CGRRF1: variants seen among roughly 807,000 people sequenced by gnomAD.
CGRRF1 encodes cell growth regulator with ring finger domain 1.
CGRRF1 carries 32 observed loss-of-function variants against 37.2 expected under a neutral mutation model. That is an observed-to-expected ratio of 0.86 (90% CI 0.65 to 1.16). The LOEUF (loss-of-function observed/expected upper bound fraction) is 1.16, where lower values mean the gene tolerates loss of function less well. Among genes scored for constraint, CGRRF1 ranks in the 50% most tolerant of loss-of-function variants. CGRRF1 has a pLI of 0.00. For missense variants in CGRRF1, 391 were observed against 382.6 expected, an observed-to-expected ratio of 1.02 and a Z score of -0.18; for synonymous variants, 141 against 140.3, an observed-to-expected ratio of 1.00 and a Z score of -0.04.
intron 1 of CGRRF1, among the ~76,000 whole-genome samples, chr14:54,511,660 G>C (rs1193204809): frequency 6.6e-6 from 1 of 152,210 alleles, no homozygotes; most frequent in East Asian, 1.9e-4. Context: ...CCTCATGTTT[G>C]TAGTGGTTAA....
Position 54,530,901 on chromosome 14 carries a change from A to C in CGRRF1, c.423-2A>C. The C allele has an allele frequency of 6.3e-7, 1 of 1,575,126 alleles. No homozygotes were observed. On this transcript the variant is annotated splice_acceptor_variant, in intron 3 of 5. Coordinates refer to ENST00000216420, the MANE Select transcript of CGRRF1 (RefSeq NM_006568.3). LOFTEE classifies it high-confidence loss of function. Reference sequence around the variant, plus strand: ...GCAATTTACCTTTACATTTTCAAAAAGTATTAAAAAGGATAGCAAAGAAGA... The same window carrying C: ...GCAATTTACCTTTACATTTTCAAAACGTATTAAAAAGGATAGCAAAGAAGA...
At chr14:54,528,098 A>C (rs1405846434) in intron 2 of CGRRF1, among the ~76,000 whole-genome samples, 4 of 152,100 alleles carry the variant, frequency 2.6e-5, no homozygotes, top group Non-Finnish European at 5.9e-5. Context: ...TGAGATAAAC[A>C]GTAGCATATA....
intron 2 of CGRRF1, among the ~76,000 whole-genome samples, chr14:54,528,400 T>C (rs1028021654): frequency 6.6e-6 from 1 of 152,152 alleles, no homozygotes; most frequent in African/African-American, 2.4e-5. Flanking sequence ...ATTCCAGCAT[T>C]TTGCTATGAT....
At chr14:54,520,733 G>A (rs77764474) in intron 1 of CGRRF1, among the ~76,000 whole-genome samples, 13,145 of 152,250 alleles carry the variant, frequency 0.086, 634 homozygotes, top group African/African-American at 0.11. Context: ...GTAGTAATAA[G>A]TTGTTCCTTT....
chr14:54,521,453 C>T (rs2032315289), intron 1 of CGRRF1, among the ~76,000 whole-genome samples: 1 of 150,876 alleles, frequency 6.6e-6, no homozygotes, highest in Non-Finnish European at 1.5e-5. Flanking sequence ...AAGAATGAAA[C>T]TCCATCTCAA....
At chr14:54,531,157 AT>A (rs1429203013) in intron 4 of CGRRF1, 107 bp downstream of exon 4, 21 of 931,566 alleles carry the variant, frequency 2.3e-5, no homozygotes, top group Middle Eastern at 3.0e-4. Flanking sequence ...GAGGATGTGC[AT>A]TTGGCCTACA....
chr14:54,523,967 C>G (rs959318581), intron 2 of CGRRF1, among the ~76,000 whole-genome samples: 1 of 152,178 alleles, frequency 6.6e-6, no homozygotes, highest in African/African-American at 2.4e-5. Flanking sequence ...TAGCTACTGC[C>G]GTATTTCTCT....
At chr14:54,537,642 C>T (rs947622898) in intron 4 of CGRRF1, 80 bp from the exon 5 acceptor site, 1 of 1,308,192 alleles carries the variant, frequency 7.6e-7, no homozygotes, top group Non-Finnish European at 9.9e-7. Flanking sequence ...TGTCTAGAAG[C>T]AGTTGAAAAG....
At chr14:54,514,289 G>A (rs1030373968) in intron 1 of CGRRF1, among the ~76,000 whole-genome samples, 5 of 152,088 alleles carry the variant, frequency 3.3e-5, no homozygotes, top group Admixed American at 6.6e-5. Context: ...ATTGTAAGCC[G>A]GAGAATAGAA....
At chr14:54,511,494 G>C (rs1160204023) in intron 1 of CGRRF1, among the ~76,000 whole-genome samples, 1 of 152,222 alleles carries the variant, frequency 6.6e-6, no homozygotes, top group African/African-American at 2.4e-5. Context: ...TATAATGTTA[G>C]TGTTATTCTC....
Position 54,538,283 on chromosome 14 carries a change from A to C in CGRRF1, c.899A>C (p.Lys300Thr). The C allele has an allele frequency of 6.2e-7, 1 of 1,614,220 alleles. No homozygotes were observed. Among genetic ancestry groups the C allele is most frequent in the Non-Finnish European group, 8.5e-7 (1 of 1,180,030 alleles). Reference protein sequence around the residue: ...RHTCLCDGCVKYFQQCPMCRQ... With the variant: ...RHTCLCDGCVTYFQQCPMCRQ... ...ACATGCCTGTGTGATGGCTGTGTGA[A>C]GTATTTTCAGCAGTGCCCAATGTGC... is the stretch of plus-strand genomic sequence containing the variant. The change falls in exon 6 of 6, where the codon AAG becomes ACG. Residue 300 changes from lysine to threonine, a missense_variant. Transcript: ENST00000216420.
At position 54,530,111 on chromosome 14, in the gene CGRRF1, A is replaced by G. The variant is rs767689909; in HGVS notation, c.307A>G (p.Ser103Gly). 6.2e-7 allele frequency: 1 copy of G among 1,613,694 alleles called. No homozygotes were observed. Among genetic ancestry groups the G allele is most frequent in the South Asian group, 1.1e-5 (1 of 91,054 alleles). Reference protein sequence around the residue: ...DSLLTCYWGCSVQKLYEALQK... With the variant: ...DSLLTCYWGCGVQKLYEALQK... ...CCTCCTTACATGCTACTGGGGGTGC[A>G]GTGTTCAAAAATTATATGAAGCTCT... Residue 103 changes from serine to glycine, a missense_variant, in exon 3 of 6, where the codon AGT becomes GGT. By Grantham distance (56) the Ser-to-Gly change is moderately conservative. Transcript: ENST00000216420.
chr14:54,521,846 T>TA (rs1179496868), intron 1 of CGRRF1, among the ~76,000 whole-genome samples: 2 of 152,242 alleles, frequency 1.3e-5, no homozygotes, highest in South Asian at 2.1e-4. Context: ...TTTTCACATT[T>TA]AAAAAAATTC....
At chr14:54,516,406 G>A (rs1481264234) in intron 1 of CGRRF1, among the ~76,000 whole-genome samples, 4 of 152,028 alleles carry the variant, frequency 2.6e-5, no homozygotes, top group African/African-American at 7.2e-5. Context: ...AAAAATATAG[G>A]TATAGAATTC....
Position 54,538,067 on chromosome 14 carries a change from T to G in CGRRF1, c.683T>G (p.Leu228Arg), listed in dbSNP as rs771870949. 2 of 1,594,154 alleles carry G rather than the reference T, an allele frequency of 1.3e-6. No individual in the cohort carries two copies. Among genetic ancestry groups the G allele is most frequent in the South Asian group, 2.3e-5 (2 of 86,606 alleles). Residue 228 changes from leucine (L) to arginine (R), a missense_variant, in exon 6 of 6, where the codon CTT (leucine) becomes CGT (arginine). Leu to Arg is a moderately radical substitution (Grantham distance 102). Coordinates refer to ENST00000216420, the MANE Select transcript of CGRRF1 (RefSeq NM_006568.3). The stretch of plus-strand genomic sequence containing the variant: ...ATTTATTTCTTTGATTTTCAGCAAC[T>G]TTTCATGTCTGCAAATAATAATTTC... Reference protein sequence around the residue: ...AQGQFHDLKQLFMSANNNFTP... With the variant: ...AQGQFHDLKQRFMSANNNFTP...
intron 1 of CGRRF1, 35 bp from the exon 2 acceptor site, chr14:54,522,419 G>A: frequency 1.4e-6 from 2 of 1,394,700 alleles, no homozygotes. Flanking sequence ...TTCAACATTT[G>A]TTAAAATAAT....
At chr14:54,514,691 G>T (rs1282484340) in intron 1 of CGRRF1, among the ~76,000 whole-genome samples, 1 of 152,208 alleles carries the variant, frequency 6.6e-6, no homozygotes, top group Admixed American at 6.5e-5. Context: ...GTGAGAACAT[G>T]CTGTATTTGG....
At chr14:54,522,394 C>T (rs2032331605) in intron 1 of CGRRF1, 60 bp from the exon 2 acceptor site, 1 of 1,211,916 alleles carries the variant, frequency 8.3e-7, no homozygotes, top group Non-Finnish European at 1.1e-6. Flanking sequence ...ACAGATTTTA[C>T]ACATAACATA....
intron 4 of CGRRF1, chr14:54,536,070 C>T (rs1366941981): frequency 6.6e-6 from 1 of 152,202 alleles, no homozygotes; most frequent in Non-Finnish European, 1.5e-5. Flanking sequence ...CCACGCCATT[C>T]CCACACACCC....
Sources: gnomAD v4.1 joint callset for allele counts (sites outside exome capture counted in the v4.1 genomes callset) on GRCh38, gnomAD v4.1.1 for gene constraint, MANE v1.5 for transcripts, NCBI Gene and HGNC (gene_info 2026-07-23, HGNC 2026-07-21) for gene names.